WDPCP: variants seen among roughly 807,000 people sequenced by gnomAD.
WDPCP encodes WD repeat-containing and planar cell polarity effector protein fritz homolog.
WDPCP carries 71 observed loss-of-function variants against 93.1 expected under a neutral mutation model. The ratio of observed to expected loss-of-function variants is 0.76; its 90% CI spans 0.63 to 0.93. WDPCP has a LOEUF of 0.93. Among genes scored for constraint, WDPCP ranks in the 40% least tolerant of loss-of-function variants. The pLI is 0.00. For synonymous variants in WDPCP, 315 were observed against 315.0 expected (o/e 1.00, Z 0.00); for missense variants, 844 against 887.4 (o/e 0.95, Z 0.62).
intron 2 of WDPCP, among the ~76,000 whole-genome samples, chr2:63,672,613 TTTTTTATTTTATTTCA>T (rs1209054827): frequency 6.6e-6 from 1 of 151,970 alleles, no homozygotes; most frequent in Non-Finnish European, 1.5e-5. Context: ...AACTACTTTA[TTTTTTATTTTATTTCA>T]TTTTTATTTT....
intron 13 of WDPCP, among the ~76,000 whole-genome samples, chr2:63,267,890 G>T (rs1411125273): frequency 6.6e-6 from 1 of 152,148 alleles, no homozygotes; most frequent in East Asian, 1.9e-4. Context: ...ATGCAAATTA[G>T]TACAGCCATT....
intron 2 of WDPCP, among the ~76,000 whole-genome samples, chr2:63,711,824 GTGGTAAAT>G (rs1371601445): frequency 6.6e-6 from 1 of 152,208 alleles, no homozygotes; most frequent in Non-Finnish European, 1.5e-5. Context: ...AACCCTATGT[GTGGTAAAT>G]TGATAGTACT....
At chr2:63,457,809 C>T (rs1054253462) in intron 6 of WDPCP, among the ~76,000 whole-genome samples, 1 of 152,070 alleles carries the variant, frequency 6.6e-6, no homozygotes, top group Non-Finnish European at 1.5e-5. Context: ...ATCCATCATA[C>T]TGAATAAGGA....
At chr2:63,588,085 G>A in intron 1 of WDPCP, 112 bp downstream of exon 1, 1 of 1,303,596 alleles carries the variant, frequency 7.7e-7, no homozygotes, top group Non-Finnish European at 1.1e-6. Flanking sequence ...AAAGGGACCG[G>A]CGAGCTTGCA....
chr2:63,621,519 A>C (rs1709737466), intron 3 of WDPCP, among the ~76,000 whole-genome samples: 1 of 152,150 alleles, frequency 6.6e-6, no homozygotes, highest in Non-Finnish European at 1.5e-5. Flanking sequence ...TAAATACGGG[A>C]CTATGTAAAA....
At chr2:63,445,047 G>A (rs1697755961) in intron 6 of WDPCP, among the ~76,000 whole-genome samples, 1 of 152,014 alleles carries the variant, frequency 6.6e-6, no homozygotes, top group Admixed American at 6.6e-5. Context: ...GGATTAAATT[G>A]GAAGTGAAAC....
chr2:63,635,408 G>A (rs898561834), intron 3 of WDPCP, among the ~76,000 whole-genome samples: 3 of 151,980 alleles, frequency 2.0e-5, no homozygotes, highest in Admixed American at 2.0e-4. Flanking sequence ...ACCAGATGAG[G>A]ATACTGTAAA....
intron 14 of WDPCP, chr2:63,228,381 CTTTT>C (rs1327818388): frequency 2.6e-5 from 3 of 113,782 alleles, no homozygotes; most frequent in Non-Finnish European, 3.8e-5. Context: ...TGTTCTTTTT[CTTTT>C]TCTTTTTTTT....
At chr2:63,347,891 T>C (rs1217685930) in intron 12 of WDPCP, among the ~76,000 whole-genome samples, 1 of 152,124 alleles carries the variant, frequency 6.6e-6, no homozygotes, top group East Asian at 1.9e-4. Context: ...TTAAAATTAG[T>C]ATCATTCAAA....
chr2:63,283,274 C>T (rs1683711086), intron 13 of WDPCP, among the ~76,000 whole-genome samples: 1 of 152,174 alleles, frequency 6.6e-6, no homozygotes, highest in Admixed American at 6.5e-5. Context: ...AAGGCCTGGG[C>T]TCAAGCAATC....
intron 1 of WDPCP, among the ~76,000 whole-genome samples, chr2:63,815,281 G>A (rs1421604005): frequency 1.3e-5 from 2 of 151,928 alleles, no homozygotes. Flanking sequence ...TTGAACAAAG[G>A]GAACAAATAT....
intron 17 of WDPCP, among the ~76,000 whole-genome samples, chr2:63,147,190 C>G (rs1414574352): frequency 6.6e-6 from 1 of 152,010 alleles, no homozygotes; most frequent in African/African-American, 2.4e-5. Context: ...GGACTTTATC[C>G]TATGGGGTTT....
rs61487991 is a variant in WDPCP, at chr2:63,313,886, AT to A, written c.1749-576del. ...TATATATATATATATATATATATAT[AT>A]TTTTTTTTTTTTGGAGATGGAGTCT... On this transcript the variant is annotated intron_variant, in intron 12 of 17. Coordinates refer to ENST00000272321, the MANE Select transcript of WDPCP (RefSeq NM_015910.7). 8.2e-4 allele frequency among the ~76,000 whole-genome samples: 61 copies of A among 74,466 alleles called. 1 individual carries two copies. The highest frequency in any genetic ancestry group is 1.2e-3 in the Non-Finnish European group (48 of 38,614). 48.9% of individuals were successfully genotyped at this position (74,466 alleles called of 152,430 possible).
At chr2:63,595,331 T>C (rs1709286658) in intron 3 of WDPCP, 3 of 797,900 alleles carry the variant, frequency 3.8e-6, no homozygotes, top group African/African-American at 1.7e-5. Context: ...ATTACATGCA[T>C]GTACATACCA....
At chr2:63,604,960 C>A in intron 3 of WDPCP, 1 of 1,326,740 alleles carries the variant, frequency 7.5e-7, no homozygotes, top group Non-Finnish European at 1.0e-6. Context: ...GAGGGCAGGT[C>A]TTTCACAGTT....
chr2:63,470,675 T>C (rs1411390653), intron 6 of WDPCP, among the ~76,000 whole-genome samples: 1 of 152,214 alleles, frequency 6.6e-6, no homozygotes, highest in East Asian at 1.9e-4. Context: ...AAAAAGTAAA[T>C]TGAAACATAT....
intron 14 of WDPCP, 145 bp downstream of exon 14, chr2:63,259,162 C>A: frequency 1.4e-6 from 1 of 713,140 alleles, no homozygotes; most frequent in Non-Finnish European, 2.3e-6. Flanking sequence ...TGCTGTTTGT[C>A]AAAGCTTAAT....
At chr2:63,514,602 C>T (rs1702437874) in intron 1 of WDPCP, among the ~76,000 whole-genome samples, 1 of 152,136 alleles carries the variant, frequency 6.6e-6, no homozygotes, top group Non-Finnish European at 1.5e-5. Flanking sequence ...TACAAAACTG[C>T]TGGGCTGCCC....
intron 14 of WDPCP, among the ~76,000 whole-genome samples, chr2:63,237,657 T>G (rs971137455): frequency 5.9e-5 from 9 of 152,282 alleles, no homozygotes; most frequent in African/African-American, 2.2e-4. Flanking sequence ...TAAAAAAGAA[T>G]GAAATCATGT....
Sources: gnomAD v4.1 joint callset for allele counts (sites outside exome capture counted in the v4.1 genomes callset) on GRCh38, gnomAD v4.1.1 for gene constraint, MANE v1.5 for transcripts, NCBI Gene and HGNC (gene_info 2026-07-23, HGNC 2026-07-21) for gene names.